Variants in SKAP1 observed in about 807,000 individuals in gnomAD.
SKAP1 encodes src kinase associated phosphoprotein 1.
Under a neutral mutation model 58.5 loss-of-function variants are expected in SKAP1, and 44 were observed. The observed-to-expected ratio is 0.75, with a 90% CI of 0.59 to 0.97. SKAP1 has a LOEUF of 0.97. SKAP1 is among the 50% of genes least tolerant of loss of function. The probability of loss-of-function intolerance (pLI) is 0.00; values close to 1 mark genes in which losing one functional copy is unlikely to be tolerated. For synonymous variants in SKAP1, 127 were observed against 149.7 expected (o/e 0.85, Z 1.11); for missense variants, 390 against 435.2 (o/e 0.90, Z 0.92).
intron 4 of SKAP1, among the ~76,000 whole-genome samples, chr17:48,224,242 T>G (rs1422590156): frequency 6.6e-6 from 1 of 152,218 alleles, no homozygotes; most frequent in African/African-American, 2.4e-5. Flanking sequence ...GGGTGTATTC[T>G]AAGAAATAAG....
chr17:48,399,285 T>C (rs1396227033), intron 1 of SKAP1, among the ~76,000 whole-genome samples: 2 of 152,034 alleles, frequency 1.3e-5, no homozygotes, highest in African/African-American at 4.8e-5. Flanking sequence ...TTATGTAATA[T>C]ATCATAACAA....
chr17:48,425,437 G>A (rs951065643), intron 1 of SKAP1, among the ~76,000 whole-genome samples: 26 of 152,216 alleles, frequency 1.7e-4, no homozygotes, highest in Admixed American at 1.3e-3. Flanking sequence ...ATCCTATTGT[G>A]TGTTTTCTAA....
Position 48,245,452 on chromosome 17 carries a change from G to A in SKAP1, c.281-55952C>T, listed in dbSNP as rs181097476. On this transcript the variant is annotated intron_variant, in intron 4 of 12. Transcript: ENST00000336915. ...TTAAAAGTGCCTTTATTATGCTTTA[G>A]AACGACTGATCCATACTGGCTTATT... 3.9e-4 allele frequency among the ~76,000 whole-genome samples: 59 copies of A among 152,270 alleles called. 1 individual carries two copies. The highest frequency in any genetic ancestry group is 1.7e-3 in the South Asian group (8 of 4,822).
chr17:48,376,899 G>A (rs2067156817), intron 2 of SKAP1, among the ~76,000 whole-genome samples: 2 of 152,172 alleles, frequency 1.3e-5, no homozygotes, highest in East Asian at 3.9e-4. Context: ...GAGTTGCTAA[G>A]GGAGGATTCG....
At chr17:48,311,469 T>C (rs2066224001) in intron 4 of SKAP1, among the ~76,000 whole-genome samples, 1 of 152,228 alleles carries the variant, frequency 6.6e-6, no homozygotes, top group Admixed American at 6.5e-5. Context: ...TAATTGCTTT[T>C]TTGCGGGGGA....
intron 4 of SKAP1, among the ~76,000 whole-genome samples, chr17:48,336,913 C>G (rs945897374): frequency 6.6e-6 from 1 of 152,056 alleles, no homozygotes; most frequent in African/African-American, 2.4e-5. Context: ...AAAATAAAAT[C>G]TGGGGTATTA....
At chr17:48,380,750 T>C (rs567954584) in intron 2 of SKAP1, among the ~76,000 whole-genome samples, 27 of 152,244 alleles carry the variant, frequency 1.8e-4, no homozygotes, top group Admixed American at 6.5e-4. Context: ...TAAAAGTTCA[T>C]TTCCAGTTGT....
At chr17:48,192,262 G>T (rs1437043756) in intron 4 of SKAP1, among the ~76,000 whole-genome samples, 1 of 151,876 alleles carries the variant, frequency 6.6e-6, no homozygotes, top group East Asian at 1.9e-4. Context: ...CATAAGCTGG[G>T]AGTTTCCATC....
intron 4 of SKAP1, among the ~76,000 whole-genome samples, chr17:48,293,244 A>G (rs1292669404): frequency 6.6e-6 from 1 of 152,224 alleles, no homozygotes; most frequent in Non-Finnish European, 1.5e-5. Context: ...GTACTTTTAT[A>G]TTCAATAAAT....
At position 48,178,799 on chromosome 17, in the gene SKAP1, C is replaced by A. The variant is rs753393355; in HGVS notation, c.826+1255G>T. Among the ~76,000 whole-genome samples the A allele has an allele frequency of 3.3e-5, 5 of 152,184 alleles. No individual in the cohort carries two copies. In the South Asian group the frequency reaches 1.0e-3, roughly 32 times the overall value. On this transcript the variant is annotated intron_variant, in intron 9 of 12. Coordinates refer to ENST00000336915, the MANE Select transcript of SKAP1 (RefSeq NM_003726.4). ...TTAACGTCAGACACAAGAAATGGCTCGACCTCAACCAAGATATCATTTGCA... is the reference window on the plus strand; with the variant it reads ...TTAACGTCAGACACAAGAAATGGCTAGACCTCAACCAAGATATCATTTGCA...
intron 11 of SKAP1, among the ~76,000 whole-genome samples, chr17:48,155,181 G>A (rs1323867932): frequency 6.6e-6 from 1 of 151,520 alleles, no homozygotes; most frequent in East Asian, 2.0e-4. Context: ...AGACTGGAGT[G>A]CAATGGCATG....
intron 4 of SKAP1, among the ~76,000 whole-genome samples, chr17:48,301,568 C>G (rs192267426): frequency 5.3e-4 from 80 of 152,160 alleles, no homozygotes; most frequent in Non-Finnish European, 9.7e-4. Flanking sequence ...TCAAGAATTG[C>G]TTGAACCCAG....
At chr17:48,411,466 A>G (rs1474063460) in intron 1 of SKAP1, among the ~76,000 whole-genome samples, 1 of 152,032 alleles carries the variant, frequency 6.6e-6, no homozygotes, top group African/African-American at 2.4e-5. Context: ...TCTCCAGTGC[A>G]GAAGAATTTC....
chr17:48,187,554 T>A (rs1252734343), intron 6 of SKAP1, among the ~76,000 whole-genome samples: 5 of 152,200 alleles, frequency 3.3e-5, no homozygotes, highest in Non-Finnish European at 7.3e-5. Context: ...TTATTTTTTT[T>A]AAAAACCAAA....
chr17:48,228,888 T>C (rs1169562279), intron 4 of SKAP1, among the ~76,000 whole-genome samples: 2 of 152,198 alleles, frequency 1.3e-5, no homozygotes, highest in Admixed American at 6.5e-5. Flanking sequence ...GGATTCCTAA[T>C]AGAACCCTGT....
At chr17:48,199,652 CATTCTTGCCACTTTGCTT>C (rs2143602352) in intron 4 of SKAP1, among the ~76,000 whole-genome samples, 1 of 152,222 alleles carries the variant, frequency 6.6e-6, no homozygotes, top group South Asian at 2.1e-4. Context: ...CAACGTGCTC[CATTCTTGCCACTTTGCTT>C]GGGTTTCCAT....
chr17:48,416,808 A>G (rs958513916), intron 1 of SKAP1, among the ~76,000 whole-genome samples: 5 of 152,196 alleles, frequency 3.3e-5, no homozygotes, highest in African/African-American at 1.2e-4. Flanking sequence ...ATTCCCTGTC[A>G]CAGGTACACT....
intron 4 of SKAP1, among the ~76,000 whole-genome samples, chr17:48,250,905 C>T (rs2065356742): frequency 6.6e-6 from 1 of 152,018 alleles, no homozygotes; most frequent in Non-Finnish European, 1.5e-5. Context: ...GGTAATAAAA[C>T]CAAAATGGGA....
chr17:48,382,400 C>T (rs2067227128), intron 2 of SKAP1: 1 of 152,212 alleles, frequency 6.6e-6, no homozygotes, highest in African/African-American at 2.4e-5. Context: ...CTCCTCCTTA[C>T]TCTCCCAGAG....
Sources: allele counts gnomAD v4.1 joint callset (sites outside exome capture counted in the v4.1 genomes callset), GRCh38; gene constraint gnomAD v4.1.1; transcripts MANE v1.5; gene names NCBI Gene and HGNC (gene_info 2026-07-23, HGNC 2026-07-21).